Variants in TEAD1 observed in about 807,000 individuals in gnomAD.
The protein encoded by TEAD1 is TEA domain transcription factor 1.
TEAD1 carries 9 observed loss-of-function variants against 54.9 expected under a neutral mutation model. The observed-to-expected ratio is 0.16, with a 90% CI of 0.10 to 0.29. The LOEUF (loss-of-function observed/expected upper bound fraction) is 0.29. TEAD1 is among the 10% of genes least tolerant of loss of function. TEAD1 has a pLI of 1.00. For synonymous variants in TEAD1, 200 were observed against 187.8 expected (o/e 1.07, Z -0.53); for missense variants, 387 against 535.9 (o/e 0.72, Z 2.74).
At chr11:12,822,654 TC>T (rs1436457308) in intron 3 of TEAD1, 3 of 152,186 alleles carry the variant, frequency 2.0e-5, no homozygotes, top group African/African-American at 7.2e-5. Flanking sequence ...CCTCATGCAC[TC>T]CTATAAGCTA....
intron 3 of TEAD1, among the ~76,000 whole-genome samples, chr11:12,812,847 C>T (rs1440629677): frequency 1.3e-5 from 2 of 152,190 alleles, no homozygotes; most frequent in African/African-American, 4.8e-5. Context: ...GTCCTCTCTG[C>T]AGCCAGTGAG....
chr11:12,853,773 A>G (rs558176986), intron 3 of TEAD1, among the ~76,000 whole-genome samples: 19 of 152,312 alleles, frequency 1.2e-4, no homozygotes, highest in Middle Eastern at 3.4e-3. Flanking sequence ...ACAGTGTTCT[A>G]TGGAGTTGTC....
intron 3 of TEAD1, among the ~76,000 whole-genome samples, chr11:12,775,776 CT>C (rs1255953279): frequency 1.3e-5 from 2 of 152,110 alleles, no homozygotes; most frequent in African/African-American, 4.8e-5. Flanking sequence ...TATTATGTTT[CT>C]GTATTAATGG....
chr11:12,838,957 C>A (rs562970746), intron 3 of TEAD1, among the ~76,000 whole-genome samples: 10 of 152,306 alleles, frequency 6.6e-5, no homozygotes, highest in African/African-American at 2.2e-4. Context: ...GCCGCTCAAA[C>A]TGGGGAAACA....
At chr11:12,823,771 G>A (rs1469899502) in intron 3 of TEAD1, 1 of 152,148 alleles carries the variant, frequency 6.6e-6, no homozygotes, top group African/African-American at 2.4e-5. Flanking sequence ...CATTAGCAGA[G>A]GAAAGGAAGA....
intron 3 of TEAD1, among the ~76,000 whole-genome samples, chr11:12,798,955 A>C (rs74493746): frequency 2.1e-4 from 32 of 151,238 alleles, no homozygotes; most frequent in South Asian, 1.1e-3. Flanking sequence ...CAACAACAAA[A>C]CCCCCCCCAG....
chr11:12,788,455 A>G (rs755333096), intron 3 of TEAD1, among the ~76,000 whole-genome samples: 9 of 152,290 alleles, frequency 5.9e-5, no homozygotes, highest in Non-Finnish European at 1.3e-4. Context: ...TTTACTAAAT[A>G]TCTTTGACAA....
At position 12,781,971 on chromosome 11, in the gene TEAD1, AG is replaced by A. The variant is rs1491458791; in HGVS notation, c.202+17538del. ...CTGTACAAAAAAAAAAAAAAAAAAA[AG>A]AAAGAAAAAAAGAAAAAGAAAAAAA... On this transcript the variant is annotated intron_variant, in intron 3 of 12. Transcript: ENST00000527636. Among the ~76,000 whole-genome samples, 1,257 of 134,068 alleles carry A rather than the reference AG, an allele frequency of 9.4e-3. 89 individuals carry two copies. The highest frequency in any genetic ancestry group is 0.043 in the African/African-American group (1,166 of 27,122). The allele number at this position is 134,068 out of a possible 152,430, so 88.0% of individuals were successfully genotyped here. A position where few individuals can be genotyped will look rare whatever the true frequency, so the allele number is the denominator to read the frequency against.
chr11:12,873,141 G>C (rs1021091114), intron 5 of TEAD1, among the ~76,000 whole-genome samples: 2 of 152,092 alleles, frequency 1.3e-5, no homozygotes, highest in African/African-American at 4.8e-5. Flanking sequence ...TCCCTCCACT[G>C]AGCCCTCTTC....
chr11:12,896,817 A>G (rs991222153), intron 9 of TEAD1, among the ~76,000 whole-genome samples: 1 of 152,184 alleles, frequency 6.6e-6, no homozygotes, highest in South Asian at 2.1e-4. Flanking sequence ...TTCTATGAAG[A>G]TGAGCACTTT....
intron 3 of TEAD1, among the ~76,000 whole-genome samples, chr11:12,834,381 A>G (rs761839745): frequency 2.7e-4 from 41 of 152,244 alleles, no homozygotes; most frequent in Admixed American, 2.6e-3. Context: ...AGGGCAGTGC[A>G]ATCTGACAGA....
intron 10 of TEAD1, among the ~76,000 whole-genome samples, chr11:12,915,736 TGGGA>T (rs1397952315): frequency 6.6e-6 from 1 of 152,050 alleles, no homozygotes; most frequent in Non-Finnish European, 1.5e-5. Flanking sequence ...CCCAGCTACT[TGGGA>T]GGCTGAGGCA....
At chr11:12,734,131 G>A (rs1311139784) in intron 2 of TEAD1, among the ~76,000 whole-genome samples, 1 of 152,178 alleles carries the variant, frequency 6.6e-6, no homozygotes, top group African/African-American at 2.4e-5. Flanking sequence ...GCCCAGGCTG[G>A]TCTTGAACTC....
rs142352497 is a variant in TEAD1 at position 12,932,848 on chromosome 11, G to A, written c.1167+2522G>A. On this transcript the variant is annotated intron_variant, in intron 12 of 12. Transcript: ENST00000527636. ...CAAATTTCAGGCCTGTAAGCTCCAC[G>A]CATGGTAAGTGCCCTATATAGGTGA... 6.6e-5 allele frequency among the ~76,000 whole-genome samples: 10 copies of A among 152,152 alleles called. No individual in the cohort carries two copies. The East Asian group carries it at 1.5e-3, about 24-fold the overall frequency.
rs1564997540 is a variant in TEAD1 at position 12,937,256 on chromosome 11, T to C, written c.*34T>C. On this transcript the variant is annotated 3_prime_UTR_variant, in exon 13 of 13. Transcript: ENST00000527636. ...ATTTATATATATAGATATCTGTATA[T>C]ACACACACACATATGTGCACACACA... 5 of 1,419,654 alleles carry C rather than the reference T, an allele frequency of 3.5e-6. No individual in the cohort carries two copies. The highest frequency in any genetic ancestry group is 4.0e-6 in the Non-Finnish European group (4 of 1,008,360). 87.9% of individuals were successfully genotyped at this position (1,419,654 alleles called of 1,614,324 possible). A position where few individuals can be genotyped will look rare whatever the true frequency, so the allele number is the denominator to read the frequency against.
rs184346715 is a variant in TEAD1 at position 12,943,399 on chromosome 11, A to G, written c.*6177A>G. 6.5e-6 allele frequency: 1 copy of G among 152,778 alleles called. No individual in the cohort carries two copies. The highest frequency in any genetic ancestry group is 1.9e-4 in the East Asian group (1 of 5,190). The allele number at this position is 152,778 out of a possible 1,614,324, so 9.5% of individuals were successfully genotyped here. On this transcript the variant is annotated 3_prime_UTR_variant, in exon 13 of 13. Coordinates refer to ENST00000527636, the MANE Select transcript of TEAD1 (RefSeq NM_021961.6). ...AAAGCCGTTGCTTATATCGTTAAGA[A>G]TGAAGGTTTGTGTTTAAAATTTATT...
chr11:12,732,138 C>T (rs1944436635), intron 2 of TEAD1, among the ~76,000 whole-genome samples: 1 of 152,038 alleles, frequency 6.6e-6, no homozygotes, highest in African/African-American at 2.4e-5. Context: ...AAATTTCGAC[C>T]TTATTAAAGT....
chr11:12,732,859 C>G (rs773017389), intron 2 of TEAD1, among the ~76,000 whole-genome samples: 1 of 152,102 alleles, frequency 6.6e-6, no homozygotes, highest in Non-Finnish European at 1.5e-5. Flanking sequence ...TTCTTTTCTG[C>G]GAGATATAGA....
intron 2 of TEAD1, among the ~76,000 whole-genome samples, chr11:12,686,747 T>A (rs1373937606): frequency 6.6e-6 from 1 of 152,226 alleles, no homozygotes; most frequent in African/African-American, 2.4e-5. Context: ...GAGTGGAATT[T>A]TAGAAATTTT....
Sources: gnomAD v4.1 joint callset for allele counts (sites outside exome capture counted in the v4.1 genomes callset) on GRCh38, gnomAD v4.1.1 for gene constraint, MANE v1.5 for transcripts, NCBI Gene and HGNC (gene_info 2026-07-23, HGNC 2026-07-21) for gene names.